MGAT1: variants seen among roughly 807,000 people sequenced by gnomAD.
MGAT1 encodes alpha-1,3-mannosyl-glycoprotein 2-beta-N-acetylglucosaminyltransferase.
A neutral mutation model predicts 31.7 loss-of-function variants in MGAT1; 14 were observed. That is an observed-to-expected ratio of 0.44 (90% confidence interval 0.29 to 0.69). The LOEUF is 0.69. Ranked by LOEUF, MGAT1 falls within the 30% of genes least tolerant of loss-of-function variation. The probability of loss-of-function intolerance (pLI) is 0.12; values close to 1 mark genes in which losing one functional copy is unlikely to be tolerated. For synonymous variants in MGAT1, 338 were observed against 276.0 expected (o/e 1.22, Z -2.23); for missense variants, 557 against 626.0 (o/e 0.89, Z 1.18).
Position 180,792,210 on chromosome 5 carries a change from C to A in MGAT1, c.762G>T (p.Arg254Ser). The change falls in exon 2 of 2, where the codon AGG becomes AGT. Residue 254 changes from arginine to serine, a missense_variant. Coordinates refer to ENST00000307826, the MANE Select transcript of MGAT1 (RefSeq NM_002406.4). ...AGTCGGTGCGGTAGAGCAGCTCAGG[C>A]CTGCTGGCGTCCACCATCTGCTCCT... Reference protein sequence around the residue: ...NGKEQMVDASRPELLYRTDFF... With the variant: ...NGKEQMVDASSPELLYRTDFF... 3 of 1,613,090 alleles carry A rather than the reference C, an allele frequency of 1.9e-6. No individual in the cohort carries two copies. The highest frequency in any genetic ancestry group is 2.5e-6 in the Non-Finnish European group (3 of 1,180,004).
chr5:180,805,658 G>A (rs1414661424), upstream of MGAT1, among the ~76,000 whole-genome samples: 1 of 152,126 alleles, frequency 6.6e-6, no homozygotes, highest in Non-Finnish European at 1.5e-5. Context: ...GCTGAGGCAG[G>A]AGAATTGCTT....
upstream of MGAT1, among the ~76,000 whole-genome samples, chr5:180,804,526 C>T (rs1402795772): frequency 1.3e-5 from 2 of 152,246 alleles, no homozygotes; most frequent in Non-Finnish European, 2.9e-5. Context: ...CGCACTGTGG[C>T]AGGAGCCTCG....
At chr5:180,812,195 G>A (rs577154866) in intron 1 of MGAT1, among the ~76,000 whole-genome samples, 16 of 152,340 alleles carry the variant, frequency 1.1e-4, no homozygotes, top group Middle Eastern at 3.4e-3. Flanking sequence ...CATGGTAGCA[G>A]CTCAGCACAC....
chr5:180,802,834 G>C (rs1197343839), upstream of MGAT1: 3 of 151,576 alleles, frequency 2.0e-5, no homozygotes, highest in East Asian at 3.9e-4. Flanking sequence ...CGGCCGGGCG[G>C]GCAACGTGGC....
chr5:180,809,396 C>CAGAA (rs1294273077), intron 1 of MGAT1: 1 of 152,150 alleles, frequency 6.6e-6, no homozygotes, highest in Non-Finnish European at 1.5e-5. Flanking sequence ...ACCGGAGACT[C>CAGAA]TTCTAAGAAA....
In MGAT1 at chr5:180,785,004, G is replaced by A. The variant is rs1767477166; in HGVS notation, c.*6630C>T. On this transcript the variant is annotated 3_prime_UTR_variant, in exon 2 of 2. Transcript: ENST00000307826. ...AAGAGTATGGTTCTTCTTTGTATTA[G>A]TCTTTCAACTTCCCTGTGAGTTTGA... The A allele has an allele frequency of 1.3e-5, 2 of 152,080 alleles. No homozygotes were observed. The highest frequency in any genetic ancestry group is 4.2e-4 in the South Asian group (2 of 4,818). The allele number at this position is 152,080 out of a possible 1,614,324, so 9.4% of individuals were successfully genotyped here.
In MGAT1 at chr5:180,793,099, TAA is replaced by T. The variant is rs1768595378; in HGVS notation, c.-126-4_-126-3del. 8.8e-7 allele frequency: 1 copy of T among 1,134,472 alleles called. No homozygotes were observed. Among genetic ancestry groups the T allele is most frequent in the African/African-American group, 1.6e-5 (1 of 63,694 alleles). The allele number at this position is 1,134,472 out of a possible 1,614,324, so 70.3% of individuals were successfully genotyped here. A position where few individuals can be genotyped will look rare whatever the true frequency, so the allele number is the denominator to read the frequency against. The stretch of plus-strand genomic sequence containing the variant: ...TGGGATTAGGAGGCAGCCATGCACC[TAA>T]AGACAGGAGAGAGAAAGCAAACCGT... On this transcript the variant is annotated splice_region_variant and splice_polypyrimidine_tract_variant and intron_variant, in intron 1 of 1. Transcript: ENST00000307826.
upstream of MGAT1, among the ~76,000 whole-genome samples, chr5:180,804,433 G>A (rs1453045031): frequency 6.6e-6 from 1 of 152,194 alleles, no homozygotes; most frequent in African/African-American, 2.4e-5. Flanking sequence ...GAGGTGGAGT[G>A]GGAGAAGGGC....
At position 180,792,997 on chromosome 5, in the gene MGAT1, C is replaced by T. The variant is rs1206760791; in HGVS notation, c.-26G>A. The T allele has an allele frequency of 1.2e-6, 2 of 1,611,408 alleles. No individual in the cohort carries two copies. Among genetic ancestry groups the T allele is most frequent in the Non-Finnish European group, 1.7e-6 (2 of 1,179,376 alleles). ...CCTGGCCCCCACCGGGGAGGGCAGG[C>T]CAGGGGACGGTTCAAGGCTGCCCTG... is the stretch of plus-strand genomic sequence containing the variant. On this transcript the variant is annotated 5_prime_UTR_variant, in exon 2 of 2. Coordinates refer to ENST00000307826, the MANE Select transcript of MGAT1 (RefSeq NM_002406.4).
chr5:180,803,972 C>T (rs2113513599), upstream of MGAT1: 1 of 152,568 alleles, frequency 6.6e-6, no homozygotes, highest in Admixed American at 6.5e-5. Context: ...AACTCTGCGG[C>T]CTGTGGTTAC....
intron 2 of MGAT1, among the ~76,000 whole-genome samples, chr5:180,807,942 C>T (rs954927746): frequency 3.9e-5 from 6 of 152,220 alleles, no homozygotes; most frequent in African/African-American, 9.7e-5. Flanking sequence ...CCTGTGTACA[C>T]GGCCCTGGAT....
chr5:180,807,061 C>T (rs898362457), upstream of MGAT1, among the ~76,000 whole-genome samples: 2 of 151,982 alleles, frequency 1.3e-5, no homozygotes, highest in Non-Finnish European at 2.9e-5. Context: ...CCTCTCAAGC[C>T]GCTGGAGGGA....
Position 180,791,509 on chromosome 5 carries a change from C to A in MGAT1, c.*125G>T. On this transcript the variant is annotated 3_prime_UTR_variant, in exon 2 of 2. Coordinates refer to ENST00000307826, the MANE Select transcript of MGAT1 (RefSeq NM_002406.4). ...ATCATTTGTGCACTTAAATGCCACT[C>A]GGAAAAATCAAAAAGATAAATGCAC... 4 of 1,228,834 alleles carry A rather than the reference C, an allele frequency of 3.3e-6. No individual in the cohort carries two copies. The highest frequency in any genetic ancestry group is 2.3e-6 in the Non-Finnish European group (2 of 876,110). 76.1% of individuals were successfully genotyped at this position (1,228,834 alleles called of 1,614,324 possible).
chr5:180,799,673 A>T (rs655601), intron 1 of MGAT1, among the ~76,000 whole-genome samples: 1 of 152,056 alleles, frequency 6.6e-6, no homozygotes, highest in Admixed American at 6.5e-5. Context: ...GCAGCAAGAG[A>T]GTGAAGTGTG....
chr5:180,792,639 G>A lies in MGAT1; in HGVS notation c.333C>T (p.Ile111=), dbSNP rs770617118. Residue 111 remains isoleucine, a synonymous_variant, in exon 2 of 2, where the codon ATC becomes ATT. Transcript: ENST00000307826. ...PAPAVIPILV[I]ACDRSTVRRC... ...GCCGAACAGTGCTGCGGTCACAGGC[G>A]ATGACCAGGATGGGAATCACCGCCG... 36 of 1,590,526 alleles carry A rather than the reference G, an allele frequency of 2.3e-5. No homozygotes were observed. Among genetic ancestry groups the A allele is most frequent in the East Asian group, 4.5e-5 (2 of 44,508 alleles).
upstream of MGAT1, chr5:180,804,040 G>C (rs910210367): frequency 5.9e-5 from 9 of 151,586 alleles, no homozygotes; most frequent in African/African-American, 1.9e-4. Context: ...CAGGGTTCTA[G>C]AGAAACAAAG....
chr5:180,812,777 C>A (rs1772655291), intron 1 of MGAT1, among the ~76,000 whole-genome samples: 1 of 152,164 alleles, frequency 6.6e-6, no homozygotes, highest in South Asian at 2.1e-4. Context: ...AATTTAATTT[C>A]AGTTGCTTCA....
rs985871684 is a variant in MGAT1 at position 180,792,563 on chromosome 5, T to C, written c.409A>G (p.Ile137Val). The change falls in exon 2 of 2, where the codon ATC becomes GTC. Residue 137 changes from isoleucine to valine, a missense_variant. By Grantham distance (29) the Ile-to-Val change is conservative. Around this residue, in one of 3 missense-constraint regions of MGAT1, gnomAD observed 245 missense variants for 332.9 expected, o/e 0.74. Coordinates refer to ENST00000307826, the MANE Select transcript of MGAT1 (RefSeq NM_002406.4). The part of the protein sequence containing the change: ...HYRPSAELFP[I>V]IVSQDCGHEE... ...TGCCCGCAGTCCTGGCTAACGATGA[T>C]GGGGAAGAGCTCAGCCGAGGGCCGA... 6.2e-7 allele frequency: 1 copy of C among 1,612,600 alleles called. No individual in the cohort carries two copies. The highest frequency in any genetic ancestry group is 8.5e-7 in the Non-Finnish European group (1 of 1,179,736).
At chr5:180,793,291 G>A (rs1012171136) in intron 1 of MGAT1, among the ~76,000 whole-genome samples, 194 bp from the exon 2 acceptor site, 1 of 152,130 alleles carries the variant, frequency 6.6e-6, no homozygotes, top group Non-Finnish European at 1.5e-5. Flanking sequence ...GGCAGAGAGT[G>A]ATGCTGGTGG....
Sources: allele counts gnomAD v4.1 joint callset (sites outside exome capture counted in the v4.1 genomes callset), GRCh38; gene constraint gnomAD v4.1.1; regional missense constraint gnomAD v4.1.1; transcripts MANE v1.5; gene names NCBI Gene and HGNC (gene_info 2026-07-23, HGNC 2026-07-21).